Variants in GRM7 observed in about 807,000 individuals in gnomAD.
GRM7 encodes metabotropic glutamate receptor 7.
Under a neutral mutation model 84.5 loss-of-function variants are expected in GRM7, and 35 were observed. The observed-to-expected ratio is 0.41, with a 90% confidence interval of 0.32 to 0.55. GRM7 has a LOEUF of 0.55. GRM7 is among the 20% of genes least tolerant of loss of function. The probability of loss-of-function intolerance (pLI) is 0.19; values close to 1 mark genes in which losing one functional copy is unlikely to be tolerated. For synonymous variants in GRM7, 487 were observed against 455.1 expected (o/e 1.07, Z -0.89); for missense variants, 1,003 against 1,194.6 (o/e 0.84, Z 2.36).
At chr3:7,039,727 C>G (rs548030516) in intron 1 of GRM7, among the ~76,000 whole-genome samples, 264 of 151,346 alleles carry the variant, frequency 1.7e-3, no homozygotes, top group African/African-American at 5.8e-3. Context: ...AAAAAAAAAT[C>G]TCTCAGAATC....
At chr3:7,692,996 C>G (rs1254096009) in intron 9 of GRM7, among the ~76,000 whole-genome samples, 4 of 143,698 alleles carry the variant, frequency 2.8e-5, no homozygotes, top group African/African-American at 7.8e-5. Context: ...TTTTTCTTTT[C>G]GATATTGCAA....
At chr3:7,457,059 C>G (rs1255547757) in intron 6 of GRM7, among the ~76,000 whole-genome samples, 1 of 152,078 alleles carries the variant, frequency 6.6e-6, no homozygotes, top group Non-Finnish European at 1.5e-5. Context: ...TTTTTCCAAT[C>G]CATTGTGAAA....
At chr3:7,084,563 G>C (rs1410295256) in intron 1 of GRM7, among the ~76,000 whole-genome samples, 1 of 152,100 alleles carries the variant, frequency 6.6e-6, no homozygotes, top group African/African-American at 2.4e-5. Flanking sequence ...TAAGAAACTG[G>C]TGGAATCCAG....
At chr3:7,213,855 C>T (rs1696512733) in intron 2 of GRM7, among the ~76,000 whole-genome samples, 1 of 151,982 alleles carries the variant, frequency 6.6e-6, no homozygotes, top group South Asian at 2.1e-4. Flanking sequence ...AGAGTTAGGG[C>T]CTTGGTGCTG....
intron 7 of GRM7, among the ~76,000 whole-genome samples, chr3:7,549,061 A>G (rs1425633577): frequency 9.2e-5 from 14 of 152,194 alleles, no homozygotes. Flanking sequence ...TGGATCTGGC[A>G]GTAGTAGGCT....
intron 4 of GRM7, among the ~76,000 whole-genome samples, chr3:7,351,112 G>T (rs1193536382): frequency 2.0e-5 from 3 of 152,068 alleles, no homozygotes; most frequent in African/African-American, 7.2e-5. Flanking sequence ...TGAAGCCAAT[G>T]ATATTTGTCT....
At chr3:7,397,065 G>A (rs1221199252) in intron 4 of GRM7, among the ~76,000 whole-genome samples, 4 of 152,006 alleles carry the variant, frequency 2.6e-5, no homozygotes, top group African/African-American at 7.2e-5. Flanking sequence ...TTTGATTTCA[G>A]ATTGAAAACA....
intron 7 of GRM7, among the ~76,000 whole-genome samples, chr3:7,525,626 G>A (rs1700775399): frequency 6.6e-6 from 1 of 152,000 alleles, no homozygotes; most frequent in Admixed American, 6.6e-5. Context: ...ATGATGCTGA[G>A]GTTTGGATTT....
chr3:7,704,547 GAATT>G (rs956965819), intron 9 of GRM7, among the ~76,000 whole-genome samples: 8 of 152,072 alleles, frequency 5.3e-5, no homozygotes, highest in Non-Finnish European at 8.8e-5. Context: ...TTGATAATAT[GAATT>G]AATTTTTAAT....
chr3:7,442,965 C>A (rs544969876), intron 5 of GRM7, among the ~76,000 whole-genome samples: 1 of 151,858 alleles, frequency 6.6e-6, no homozygotes, highest in African/African-American at 2.4e-5. Flanking sequence ...GCCTCCCCCC[C>A]ATACCCTCCC....
At chr3:7,410,642 C>A (rs1488348375) in intron 4 of GRM7, among the ~76,000 whole-genome samples, 3 of 146,814 alleles carry the variant, frequency 2.0e-5, no homozygotes, top group Non-Finnish European at 4.5e-5. Context: ...CACATACACA[C>A]AAAACCACCA....
intron 4 of GRM7, among the ~76,000 whole-genome samples, chr3:7,339,964 G>C (rs1422166121): frequency 6.6e-6 from 1 of 152,082 alleles, no homozygotes; most frequent in Non-Finnish European, 1.5e-5. Flanking sequence ...CTAGGAGTCT[G>C]AATCCTTGCA....
chr3:7,462,116 A>G (rs1011660480), intron 7 of GRM7, among the ~76,000 whole-genome samples: 12 of 151,974 alleles, frequency 7.9e-5, no homozygotes. Flanking sequence ...ATTTTGAGAC[A>G]TTTGAGTGTA....
chr3:7,501,506 T>C (rs1396520939), intron 7 of GRM7, among the ~76,000 whole-genome samples: 2 of 152,216 alleles, frequency 1.3e-5, no homozygotes, highest in Admixed American at 1.3e-4. Flanking sequence ...AGTTTGGCAC[T>C]AGTTTTATCA....
At chr3:7,713,114 A>ATTTTTTTTTTTTTTTTTTTTTTTT (rs1165234212) in intron 9 of GRM7, among the ~76,000 whole-genome samples, 1 of 129,854 alleles carries the variant, frequency 7.7e-6, no homozygotes, top group Non-Finnish European at 1.6e-5. Flanking sequence ...GAGGATTCGA[A>ATTTTTTTTTTTTTTTTTTTTTTTT]TTTTGTTTTG....
chr3:7,219,925 A>T (rs924234618), intron 2 of GRM7, among the ~76,000 whole-genome samples: 6 of 152,154 alleles, frequency 3.9e-5, no homozygotes, highest in African/African-American at 1.2e-4. Flanking sequence ...ATGATGGTAA[A>T]AGTATGTCAA....
chr3:7,546,003 C>T (rs1373027082), intron 7 of GRM7, among the ~76,000 whole-genome samples: 1 of 152,152 alleles, frequency 6.6e-6, no homozygotes, highest in Non-Finnish European at 1.5e-5. Context: ...ATATAAATTA[C>T]TTAGTGTAGT....
intron 1 of GRM7, among the ~76,000 whole-genome samples, chr3:6,972,606 G>A (rs1039545170): frequency 4.6e-5 from 7 of 152,318 alleles, no homozygotes; most frequent in Non-Finnish European, 8.8e-5. Context: ...GCAAGAACTT[G>A]TGAAAGGAAA....
intron 5 of GRM7, 151 bp downstream of exon 5, chr3:7,415,314 C>A (rs540725554): frequency 1.5e-6 from 1 of 653,462 alleles, no homozygotes. Flanking sequence ...CAGGAGCATA[C>A]GTCTTGCAGG....
Sources: gnomAD v4.1 joint callset for allele counts (sites outside exome capture counted in the v4.1 genomes callset) on GRCh38, gnomAD v4.1.1 for gene constraint, MANE v1.5 for transcripts, NCBI Gene and HGNC (gene_info 2026-07-23, HGNC 2026-07-21) for gene names.